MIDEAS: variants seen among roughly 807,000 people sequenced by gnomAD.
The protein encoded by MIDEAS is mitotic deacetylase associated SANT domain protein.
Under a neutral mutation model 102.7 loss-of-function variants are expected in MIDEAS, and 26 were observed. The observed-to-expected ratio is 0.25, with a 90% CI of 0.19 to 0.35. MIDEAS has a LOEUF of 0.35. Among genes scored for constraint, MIDEAS ranks in the 10% least tolerant of loss-of-function variants. The pLI is 1.00. For synonymous variants in MIDEAS, 585 were observed against 591.0 expected (o/e 0.99, Z 0.15); for missense variants, 1,231 against 1,435.6 (o/e 0.86, Z 2.30).
chr14:73,745,994 G>A (rs919016898), intron 1 of MIDEAS, among the ~76,000 whole-genome samples: 1 of 152,210 alleles, frequency 6.6e-6, no homozygotes, highest in Non-Finnish European at 1.5e-5. Context: ...ACGAGTCCCA[G>A]GGGTCTCAGC....
At position 73,738,762 on chromosome 14, in the gene MIDEAS, A is replaced by G; in HGVS notation, c.1247T>C (p.Leu416Pro). The G allele has an allele frequency of 5.0e-6, 8 of 1,601,980 alleles. No individual in the cohort carries two copies. The highest frequency in any genetic ancestry group is 6.8e-6 in the Non-Finnish European group (8 of 1,173,610). Residue 416 changes from leucine to proline, a missense_variant, in exon 2 of 13, where the codon CTA becomes CCA. By Grantham distance (98) the Leu-to-Pro change is moderately conservative. Coordinates refer to ENST00000423556, the MANE Select transcript of MIDEAS (RefSeq NM_001367710.1). The part of the protein sequence containing the change: ...ESQLLPDGER[L>P]APNGREREAP... ...CTCTCGCTCCCGGCCATTGGGTGCT[A>G]GTCTCTCCCCATCAGGCAGTAGCTG...
chr14:73,726,766 G>A, intron 6 of MIDEAS, 59 bp from the exon 7 acceptor site: 2 of 1,610,972 alleles, frequency 1.2e-6, no homozygotes, highest in Non-Finnish European at 1.7e-6. Context: ...GCGGGGCTGG[G>A]CAGGGTGAGG....
upstream of MIDEAS, among the ~76,000 whole-genome samples, chr14:73,788,446 CA>C (rs2140188040): frequency 6.6e-6 from 1 of 152,246 alleles, no homozygotes; most frequent in Non-Finnish European, 1.5e-5. Flanking sequence ...TGGAAAATGA[CA>C]TTTGGGAAAT....
intron 1 of MIDEAS, among the ~76,000 whole-genome samples, chr14:73,747,756 G>A (rs916985916): frequency 6.6e-5 from 10 of 152,140 alleles, no homozygotes; most frequent in Admixed American, 3.3e-4. Context: ...GCCAGGTGGT[G>A]CCCATGCACT....
chr14:73,727,941 G>A (rs1470393102), intron 4 of MIDEAS: 1 of 159,836 alleles, frequency 6.3e-6, no homozygotes, highest in Non-Finnish European at 1.4e-5. Flanking sequence ...ACACTAGGGA[G>A]GTGGTGAAGG....
intron 1 of MIDEAS, among the ~76,000 whole-genome samples, chr14:73,772,088 C>A (rs528826451): frequency 1.3e-5 from 2 of 152,212 alleles, no homozygotes; most frequent in African/African-American, 4.8e-5. Context: ...GCAGAGTCCA[C>A]GCTGTGAACC....
chr14:73,761,100 CGGCGGTGGT>C, upstream of MIDEAS, among the ~76,000 whole-genome samples: 1 of 151,938 alleles, frequency 6.6e-6, no homozygotes, highest in Non-Finnish European at 1.5e-5. Flanking sequence ...GTGGTGGCGG[CGGCGGTGGT>C]GGCGGTGGCT....
intron 1 of MIDEAS, among the ~76,000 whole-genome samples, chr14:73,772,963 C>T (rs1171033765): frequency 1.3e-5 from 2 of 151,860 alleles, no homozygotes; most frequent in East Asian, 1.9e-4. Context: ...CTCAGCCTCC[C>T]GAGTAGCTAG....
rs546958019 is a variant in MIDEAS at position 73,715,989 on chromosome 14, T to C, written c.*2854A>G. ...CTGCAACACAGGCACTAGGTCAGTT[T>C]CCCGCCCTTAGCTGAATGCAGATGG... On this transcript the variant is annotated 3_prime_UTR_variant, in exon 13 of 13. Coordinates refer to ENST00000423556, the MANE Select transcript of MIDEAS (RefSeq NM_001367710.1). The C allele has an allele frequency of 3.9e-5, 6 of 152,462 alleles. No homozygotes were observed. The highest frequency in any genetic ancestry group is 9.6e-5 in the African/African-American group (4 of 41,546). 9.4% of individuals were successfully genotyped at this position (152,462 alleles called of 1,614,324 possible).
intron 1 of MIDEAS, among the ~76,000 whole-genome samples, chr14:73,769,557 A>G (rs1451280770): frequency 2.6e-5 from 4 of 152,112 alleles, no homozygotes; most frequent in Admixed American, 2.6e-4. Flanking sequence ...AAATCTTTCT[A>G]GAATGTGATT....
At chr14:73,743,832 C>T (rs977571499) in intron 1 of MIDEAS, among the ~76,000 whole-genome samples, 10 of 152,084 alleles carry the variant, frequency 6.6e-5, no homozygotes, top group Admixed American at 2.6e-4. Context: ...GCCCCAGACA[C>T]GGCAACCCGC....
chr14:73,724,841 C>T, intron 9 of MIDEAS: 1 of 175,108 alleles, frequency 5.7e-6, no homozygotes, highest in Non-Finnish European at 1.3e-5. Context: ...TGGAAGGCAA[C>T]TCTGGGTCAA....
intron 1 of MIDEAS, among the ~76,000 whole-genome samples, chr14:73,776,739 T>A (rs1215620749): frequency 6.6e-6 from 1 of 151,864 alleles, no homozygotes; most frequent in African/African-American, 2.4e-5. Flanking sequence ...GAGGCAGAGT[T>A]CCACTCTGCT....
At chr14:73,770,844 C>CT (rs1245125795) in intron 1 of MIDEAS, among the ~76,000 whole-genome samples, 1 of 152,126 alleles carries the variant, frequency 6.6e-6, no homozygotes, top group Non-Finnish European at 1.5e-5. Flanking sequence ...CACGTGGTCT[C>CT]TAAATTAGGG....
In MIDEAS at chr14:73,727,326, A is replaced by C. The variant is rs987241964; in HGVS notation, c.2162+132T>G. On this transcript the variant is annotated intron_variant, in intron 5 of 12. Coordinates refer to ENST00000423556, the MANE Select transcript of MIDEAS (RefSeq NM_001367710.1). The stretch of plus-strand genomic sequence containing the variant: ...GACAGCAAAGCCCAGGGCCACATAC[A>C]GAAGCTCAAGGAGGCCCTCTCAGCC... The C allele has an allele frequency of 2.1e-5, 20 of 940,020 alleles. No homozygotes were observed. The South Asian group carries it at 2.8e-4, about 13-fold the overall frequency. 58.2% of individuals were successfully genotyped at this position (940,020 alleles called of 1,614,324 possible). A position where few individuals can be genotyped will look rare whatever the true frequency, so the allele number is the denominator to read the frequency against.
At chr14:73,781,745 A>AAC (rs1375999191) in intron 1 of MIDEAS, among the ~76,000 whole-genome samples, 2 of 144,558 alleles carry the variant, frequency 1.4e-5, no homozygotes, top group African/African-American at 5.2e-5. Flanking sequence ...AAAAAAAAAA[A>AAC]AAAAAAAAAA....
At chr14:73,727,063 A>G (rs2053071186) in intron 5 of MIDEAS, 91 bp from the exon 6 acceptor site, 5 of 1,468,454 alleles carry the variant, frequency 3.4e-6, no homozygotes, top group Middle Eastern at 2.1e-4. Flanking sequence ...GATGAGGGGG[A>G]GCCGGCAGAG....
chr14:73,764,213 G>A (rs1355474700), upstream of MIDEAS, among the ~76,000 whole-genome samples: 2 of 151,850 alleles, frequency 1.3e-5, no homozygotes, highest in Admixed American at 1.3e-4. Context: ...GATGGCGCAC[G>A]TCTGTAGTCC....
chr14:73,736,583 A>G (rs2053202996), intron 3 of MIDEAS, among the ~76,000 whole-genome samples: 1 of 150,764 alleles, frequency 6.6e-6, no homozygotes, highest in Admixed American at 6.6e-5. Flanking sequence ...GTGAGCCGAG[A>G]TTGCGCCACT....
Sources: allele counts gnomAD v4.1 joint callset (sites outside exome capture counted in the v4.1 genomes callset), GRCh38; gene constraint gnomAD v4.1.1; transcripts MANE v1.5; gene names NCBI Gene and HGNC (gene_info 2026-07-23, HGNC 2026-07-21).